Variants in ADGRL3 observed in about 807,000 individuals in gnomAD.
The protein encoded by ADGRL3 is adhesion G protein-coupled receptor L3, also known as calcium-independent alpha-latrotoxin receptor 3.
A neutral mutation model predicts 153.5 loss-of-function variants in ADGRL3; 62 were observed. The ratio of observed to expected loss-of-function variants is 0.40; its 90% CI spans 0.33 to 0.50. The LOEUF (loss-of-function observed/expected upper bound fraction) is 0.50, where lower values mean the gene tolerates loss of function less well. Among genes scored for constraint, ADGRL3 ranks in the 20% least tolerant of loss-of-function variants. The pLI, the probability that ADGRL3 is intolerant of heterozygous loss-of-function variation, is 0.47. For synonymous variants in ADGRL3, 710 were observed against 672.5 expected, an observed-to-expected ratio of 1.06 and a Z score of -0.86; for missense variants, 1,641 against 1,859.4, an observed-to-expected ratio of 0.88 and a Z score of 2.16.
chr4:61,647,096 G>T (rs575165923), intron 5 of ADGRL3, among the ~76,000 whole-genome samples: 86 of 152,226 alleles, frequency 5.6e-4, no homozygotes, highest in Middle Eastern at 6.8e-3. Flanking sequence ...CTGACCCCTT[G>T]TGCTTCCCGA....
intron 8 of ADGRL3, among the ~76,000 whole-genome samples, chr4:61,757,431 A>T (rs1430835184): frequency 2.0e-5 from 3 of 152,222 alleles, no homozygotes; most frequent in South Asian, 4.1e-4. Context: ...GTATTCTCTG[A>T]TGATAGTTTG....
In ADGRL3 at chr4:61,251,528, G is replaced by C. The variant is rs76410417; in HGVS notation, c.-240+49763G>C. 8.4e-3 allele frequency among the ~76,000 whole-genome samples: 1,274 copies of C among 152,240 alleles called. 20 individuals carry two copies. The highest frequency in any genetic ancestry group is 0.028 in the African/African-American group (1,173 of 41,546). On this transcript the variant is annotated intron_variant, in intron 1 of 26. Coordinates refer to ENST00000683033, the MANE Select transcript of ADGRL3 (RefSeq NM_001387552.1). ...CCCAGATTCAAGGTGAAAGGACACC[G>C]ACGTTTAAGTCTTCTTGGTACAGTG...
chr4:61,931,896 G>T (rs1464289485), intron 13 of ADGRL3, among the ~76,000 whole-genome samples: 1 of 151,984 alleles, frequency 6.6e-6, no homozygotes, highest in East Asian at 1.9e-4. Flanking sequence ...TTAATAAATG[G>T]TGCCTTTGAT....
At chr4:61,274,122 C>A (rs1435208349) in intron 1 of ADGRL3, among the ~76,000 whole-genome samples, 1 of 152,172 alleles carries the variant, frequency 6.6e-6, no homozygotes, top group Non-Finnish European at 1.5e-5. Flanking sequence ...GAGGAAGAAG[C>A]TGCTGTACTT....
At chr4:61,608,271 G>A (rs1199177268) in intron 5 of ADGRL3, among the ~76,000 whole-genome samples, 2 of 152,162 alleles carry the variant, frequency 1.3e-5, no homozygotes, top group Admixed American at 6.5e-5. Context: ...CTTGAACTTG[G>A]CAGAGGCCGA....
intron 3 of ADGRL3, among the ~76,000 whole-genome samples, chr4:61,507,140 T>C (rs1046480016): frequency 3.3e-5 from 5 of 152,158 alleles, no homozygotes; most frequent in African/African-American, 1.2e-4. Context: ...TCTTCTTTTT[T>C]TTCTCCTTTT....
chr4:61,693,487 G>A (rs2095577853), intron 6 of ADGRL3, among the ~76,000 whole-genome samples: 1 of 151,910 alleles, frequency 6.6e-6, no homozygotes, highest in Non-Finnish European at 1.5e-5. Context: ...TTTTAAAGTA[G>A]TAGAATAAAG....
At chr4:61,928,172 T>G (rs2098802486) in intron 13 of ADGRL3, among the ~76,000 whole-genome samples, 1 of 151,932 alleles carries the variant, frequency 6.6e-6, no homozygotes. Flanking sequence ...TACTAGGCCG[T>G]TTTTCAAAAG....
At position 61,406,885 on chromosome 4, in the gene ADGRL3, A is replaced by G. The variant is rs369981257; in HGVS notation, c.-174+23696A>G. On this transcript the variant is annotated intron_variant, in intron 2 of 26. Transcript: ENST00000683033. ...GATGTCATTGGAATTTGCTTCAGCT[A>G]ATAACAGTATGCTACATACTACAAA... is the stretch of plus-strand genomic sequence containing the variant. 5.3e-5 allele frequency among the ~76,000 whole-genome samples: 8 copies of G among 152,188 alleles called. No homozygotes were observed. In the East Asian group the frequency reaches 1.5e-3, roughly 29 times the overall value.
chr4:61,600,193 A>G (rs910573147), intron 5 of ADGRL3, among the ~76,000 whole-genome samples: 1 of 150,252 alleles, frequency 6.7e-6, no homozygotes, highest in Admixed American at 6.7e-5. Flanking sequence ...CTGTAGTCCC[A>G]GCTATTCAGG....
At chr4:61,448,632 G>T (rs900716891) in intron 2 of ADGRL3, among the ~76,000 whole-genome samples, 36 of 151,918 alleles carry the variant, frequency 2.4e-4, no homozygotes, top group Non-Finnish European at 4.1e-4. Context: ...CTATTTAAAT[G>T]GAAATTTGAT....
intron 4 of ADGRL3, among the ~76,000 whole-genome samples, chr4:61,560,756 C>A (rs1365629272): frequency 6.6e-6 from 1 of 151,984 alleles, no homozygotes; most frequent in Non-Finnish European, 1.5e-5. Context: ...AATATGGCTT[C>A]TCCGTCTACT....
intron 2 of ADGRL3, among the ~76,000 whole-genome samples, chr4:61,413,459 C>G (rs1433868473): frequency 6.6e-6 from 1 of 152,098 alleles, no homozygotes; most frequent in Non-Finnish European, 1.5e-5. Flanking sequence ...TGCCTAACAC[C>G]ACCTTTTTGG....
At chr4:62,003,942 G>T (rs1025180683) in intron 21 of ADGRL3, among the ~76,000 whole-genome samples, 2 of 152,006 alleles carry the variant, frequency 1.3e-5, no homozygotes, top group Admixed American at 6.6e-5. Context: ...ATCTAAGAAG[G>T]CTTCTGAATC....
At position 61,407,204 on chromosome 4, in the gene ADGRL3, G is replaced by GT. The variant is rs889446473; in HGVS notation, c.-174+24022dup. Among the ~76,000 whole-genome samples the GT allele has an allele frequency of 1.1e-4, 16 of 151,966 alleles. No individual in the cohort carries two copies. The East Asian group carries it at 1.9e-3, about 18-fold the overall frequency. On this transcript the variant is annotated intron_variant, in intron 2 of 26. Coordinates refer to ENST00000683033, the MANE Select transcript of ADGRL3 (RefSeq NM_001387552.1). ...GATTTCATAATAGAGATAATTTGAGGTTTTTTTGTAACTGGAAGTCAAGAT... is the reference window on the plus strand; with the variant it reads ...GATTTCATAATAGAGATAATTTGAGGTTTTTTTTGTAACTGGAAGTCAAGAT...
At chr4:62,025,945 G>T (rs1010182391) in intron 21 of ADGRL3, among the ~76,000 whole-genome samples, 1 of 152,038 alleles carries the variant, frequency 6.6e-6, no homozygotes, top group Non-Finnish European at 1.5e-5. Context: ...GGAATCAACA[G>T]CATGGCAACA....
chr4:61,335,336 A>G (rs572623733), intron 1 of ADGRL3, among the ~76,000 whole-genome samples: 31 of 152,286 alleles, frequency 2.0e-4, no homozygotes, highest in African/African-American at 7.5e-4. Flanking sequence ...TTTTAAAGAA[A>G]TACCATTACT....
intron 9 of ADGRL3, among the ~76,000 whole-genome samples, chr4:61,835,074 A>T (rs2097916163): frequency 6.6e-6 from 1 of 152,194 alleles, no homozygotes; most frequent in African/African-American, 2.4e-5. Flanking sequence ...CACCAAGGGT[A>T]AAAGCTTTCC....
At chr4:61,493,329 A>G (rs1382316521) in intron 2 of ADGRL3, among the ~76,000 whole-genome samples, 1 of 152,144 alleles carries the variant, frequency 6.6e-6, no homozygotes, top group African/African-American at 2.4e-5. Context: ...ATAATTATGG[A>G]AACAAATCCC....
Sources: gnomAD v4.1 joint callset for allele counts (sites outside exome capture counted in the v4.1 genomes callset) on GRCh38, gnomAD v4.1.1 for gene constraint, MANE v1.5 for transcripts, NCBI Gene and HGNC (gene_info 2026-07-23, HGNC 2026-07-21) for gene names.